PKHD1: variants seen among roughly 807,000 people sequenced by gnomAD.
The protein encoded by PKHD1 is PKHD1 ciliary IPT domain containing fibrocystin/polyductin, also known as fibrocystin.
PKHD1 carries 291 observed loss-of-function variants against 412.0 expected under a neutral mutation model. The ratio of observed to expected loss-of-function variants is 0.71; its 90% CI spans 0.64 to 0.78. The LOEUF (loss-of-function observed/expected upper bound fraction) is 0.78. Ranked by LOEUF, PKHD1 falls within the 30% of genes least tolerant of loss-of-function variation. The pLI is 0.00. For missense variants in PKHD1, 4,825 were observed against 4,950.7 expected (o/e 0.97, Z 0.76); for synonymous variants, 1,777 against 1,821.5 (o/e 0.98, Z 0.62).
intron 11 of PKHD1, 63 bp from the exon 12 acceptor site, chr6:52,066,140 A>T (rs1427903848): frequency 1.4e-6 from 1 of 724,144 alleles, no homozygotes; most frequent in African/African-American, 1.8e-5. Flanking sequence ...TGACCTAGAT[A>T]ATAATATAAT....
At chr6:52,060,326 A>G (rs1437361849) in intron 14 of PKHD1, among the ~76,000 whole-genome samples, 1 of 152,146 alleles carries the variant, frequency 6.6e-6, no homozygotes, top group East Asian at 1.9e-4. Flanking sequence ...AGCTGACAAA[A>G]CCACCTAACA....
intron 55 of PKHD1, among the ~76,000 whole-genome samples, chr6:51,771,900 G>T (rs140128055): frequency 3.9e-5 from 6 of 152,216 alleles, no homozygotes; most frequent in South Asian, 4.1e-4. Context: ...AGAGGTGAAT[G>T]CTAAGGCTAG....
intron 60 of PKHD1, among the ~76,000 whole-genome samples, chr6:51,660,806 C>T (rs1432509794): frequency 3.9e-5 from 6 of 152,158 alleles, no homozygotes; most frequent in African/African-American, 1.4e-4. Flanking sequence ...CACCTGAAAG[C>T]TCTCCCAATC....
intron 55 of PKHD1, among the ~76,000 whole-genome samples, chr6:51,760,256 A>G (rs1787770662): frequency 6.6e-6 from 1 of 152,116 alleles, no homozygotes; most frequent in African/African-American, 2.4e-5. Context: ...TAGAAAATAC[A>G]CATCAAGTCA....
intron 37 of PKHD1, among the ~76,000 whole-genome samples, chr6:51,914,412 A>G (rs1783459616): frequency 6.6e-6 from 1 of 152,154 alleles, no homozygotes; most frequent in South Asian, 2.1e-4. Context: ...TGTATGGTTA[A>G]AACATCAAGC....
intron 60 of PKHD1, among the ~76,000 whole-genome samples, chr6:51,725,094 A>C (rs997391334): frequency 4.6e-5 from 7 of 152,276 alleles, no homozygotes; most frequent in African/African-American, 1.4e-4. Flanking sequence ...AATAAGGAGA[A>C]GCTGTTCAAA....
chr6:51,636,967 T>C (rs1768660077), intron 64 of PKHD1, among the ~76,000 whole-genome samples: 1 of 152,190 alleles, frequency 6.6e-6, no homozygotes. Context: ...AGGGAAAACT[T>C]TCCAAATGAT....
intron 52 of PKHD1, among the ~76,000 whole-genome samples, chr6:51,794,080 A>C: frequency 7.3e-6 from 1 of 136,222 alleles, no homozygotes; most frequent in East Asian, 2.1e-4. Flanking sequence ...ATGGAGTCTC[A>C]CTCTGTCGTG....
chr6:51,676,129 A>T (rs1775802362), intron 60 of PKHD1, among the ~76,000 whole-genome samples: 1 of 151,272 alleles, frequency 6.6e-6, no homozygotes, highest in African/African-American at 2.4e-5. Flanking sequence ...ACATATATTA[A>T]CTTTGTGTCA....
At chr6:51,701,295 T>C (rs986960541) in intron 60 of PKHD1, among the ~76,000 whole-genome samples, 2 of 152,124 alleles carry the variant, frequency 1.3e-5, no homozygotes, top group Non-Finnish European at 2.9e-5. Context: ...AGCAAAAAAT[T>C]AGCCTATTTG....
At chr6:51,989,588 T>C (rs1360766066) in intron 35 of PKHD1, among the ~76,000 whole-genome samples, 2 of 152,136 alleles carry the variant, frequency 1.3e-5, no homozygotes, top group African/African-American at 2.4e-5. Context: ...TATGAAGATA[T>C]ATTTTCCCAT....
At position 51,748,185 on chromosome 6, in the gene PKHD1, A is replaced by T; in HGVS notation, c.9431T>A (p.Ile3144Asn). The T allele has an allele frequency of 1.2e-6, 2 of 1,614,100 alleles. No individual in the cohort carries two copies. Among genetic ancestry groups the T allele is most frequent in the South Asian group, 1.1e-5 (1 of 91,086 alleles). Residue 3144 changes from isoleucine to asparagine, a missense_variant, in exon 58 of 67, where the codon ATC (isoleucine) becomes AAC (asparagine). Ile to Asn is a moderately radical substitution (Grantham distance 149). Coordinates refer to ENST00000371117, the MANE Select transcript of PKHD1 (RefSeq NM_138694.4). ...KESGLDNCTR[I>N]SGFLAFKNFD... ...GTTCTTGAAAGCCAAGAAGCCAGAG[A>T]TTCTGGTACAGTTGTCAAGTCCACT...
intron 43 of PKHD1, among the ~76,000 whole-genome samples, chr6:51,892,688 C>A (rs1210775078): frequency 6.6e-6 from 1 of 152,140 alleles, no homozygotes; most frequent in East Asian, 1.9e-4. Context: ...TGGTTAATTA[C>A]AATAAGAATG....
intron 63 of PKHD1, 61 bp from the exon 64 acceptor site, chr6:51,639,017 A>T: frequency 8.3e-7 from 1 of 1,208,752 alleles, no homozygotes; most frequent in Non-Finnish European, 1.2e-6. Context: ...CAATGTCTTC[A>T]TGTCTTCTGC....
intron 54 of PKHD1, among the ~76,000 whole-genome samples, chr6:51,773,458 T>C (rs1790484582): frequency 6.6e-6 from 1 of 151,832 alleles, no homozygotes; most frequent in Admixed American, 6.6e-5. Flanking sequence ...GTTTTGACCA[T>C]GAACCTCACC....
Position 52,073,481 on chromosome 6 carries a change from T to A in PKHD1, c.509A>T (p.Asp170Val). 2 of 1,604,752 alleles carry A rather than the reference T, an allele frequency of 1.2e-6. No homozygotes were observed. Among genetic ancestry groups the A allele is most frequent in the Middle Eastern group, 1.7e-4 (1 of 6,056 alleles). Reference protein sequence around the residue: ...ITGRLETFDFDAEYIDSPVIL... With the variant: ...ITGRLETFDFVAEYIDSPVIL... ...CACTTACCTATCAATGTACTCAGCA[T>A]CAAAATCAAAAGTTTCCAATCTTCC... The change falls in exon 7 of 67, where the codon GAT becomes GTT. Residue 170 changes from aspartate (D) to valine (V), a missense_variant. By Grantham distance (152) the Asp-to-Val change is radical (BLOSUM62 -3). Coordinates refer to ENST00000371117, the MANE Select transcript of PKHD1 (RefSeq NM_138694.4).
chr6:51,854,589 A>C (rs1373954535), intron 49 of PKHD1, among the ~76,000 whole-genome samples: 1 of 152,162 alleles, frequency 6.6e-6, no homozygotes, highest in African/African-American at 2.4e-5. Context: ...GCTCAGACCC[A>C]GGGAGATATG....
At chr6:51,880,744 T>C (rs1562520311) in intron 46 of PKHD1, among the ~76,000 whole-genome samples, 1 of 42,192 alleles carries the variant, frequency 2.4e-5, no homozygotes, top group Admixed American at 4.7e-4. Context: ...TGTGCACATG[T>C]ACCCTAAAAC....
intron 60 of PKHD1, among the ~76,000 whole-genome samples, chr6:51,704,975 G>A (rs1779844860): frequency 6.6e-6 from 1 of 151,744 alleles, no homozygotes; most frequent in Non-Finnish European, 1.5e-5. Flanking sequence ...ATGAAGAGGA[G>A]GCAATGTCTG....
Sources: gnomAD v4.1 joint callset for allele counts (sites outside exome capture counted in the v4.1 genomes callset) on GRCh38, gnomAD v4.1.1 for gene constraint, MANE v1.5 for transcripts, NCBI Gene and HGNC (gene_info 2026-07-23, HGNC 2026-07-21) for gene names.